Variants in CDK19 observed in about 807,000 individuals in gnomAD.
The protein encoded by CDK19 is cyclin dependent kinase 19, also known as cyclin-dependent kinase 19.
A neutral mutation model predicts 68.3 loss-of-function variants in CDK19; 20 were observed. The observed-to-expected ratio is 0.29, with a 90% CI of 0.21 to 0.43. The LOEUF (loss-of-function observed/expected upper bound fraction) is 0.43, where lower values mean the gene tolerates loss of function less well. Ranked by LOEUF, CDK19 falls within the 20% of genes least tolerant of loss-of-function variation. The pLI is 1.00. For missense variants in CDK19, 339 were observed against 623.5 expected, an observed-to-expected ratio of 0.54 and a Z score of 4.86; for synonymous variants, 221 against 222.8, an observed-to-expected ratio of 0.99 and a Z score of 0.07.
intron 6 of CDK19, among the ~76,000 whole-genome samples, chr6:110,630,376 T>C (rs1304190549): frequency 6.6e-6 from 1 of 152,234 alleles, no homozygotes. Flanking sequence ...CCTTTTACTT[T>C]CAACTAACAC....
At position 110,622,916 on chromosome 6, in the gene CDK19, G is replaced by C; in HGVS notation, c.934-4C>G. ...CCATGGTCAGGAGTTTCTGAAGCTA[G>C]AGTGACACACAGGAAATGTACAGCA... is the stretch of plus-strand genomic sequence containing the variant. On this transcript the variant is annotated splice_region_variant and splice_polypyrimidine_tract_variant and intron_variant, in intron 9 of 12. Coordinates refer to ENST00000368911, the MANE Select transcript of CDK19 (RefSeq NM_015076.5). 6.3e-7 allele frequency: 1 copy of C among 1,578,074 alleles called. No individual in the cohort carries two copies. The highest frequency in any genetic ancestry group is 8.7e-7 in the Non-Finnish European group (1 of 1,147,006).
chr6:110,655,963 T>C (rs1338740081), intron 4 of CDK19, among the ~76,000 whole-genome samples: 1 of 152,166 alleles, frequency 6.6e-6, no homozygotes, highest in East Asian at 1.9e-4. Context: ...GTCCCAGTAA[T>C]ATAAAGTGCT....
intron 2 of CDK19, among the ~76,000 whole-genome samples, chr6:110,703,040 CA>C (rs1228904800): frequency 6.6e-6 from 1 of 152,074 alleles, no homozygotes; most frequent in Non-Finnish European, 1.5e-5. Flanking sequence ...CTGTATTTTT[CA>C]AATTATTTTT....
chr6:110,712,646 G>T (rs967113667), intron 2 of CDK19, among the ~76,000 whole-genome samples: 5 of 152,334 alleles, frequency 3.3e-5, no homozygotes, highest in Admixed American at 1.3e-4. Flanking sequence ...GGCAGAGGAT[G>T]CAGAGATGCT....
At chr6:110,701,325 G>A (rs775934854) in intron 2 of CDK19, among the ~76,000 whole-genome samples, 12 of 150,654 alleles carry the variant, frequency 8.0e-5, no homozygotes, top group Admixed American at 2.0e-4. Context: ...GGCAGATCAC[G>A]AGGTCAGGAG....
intron 4 of CDK19, among the ~76,000 whole-genome samples, chr6:110,665,131 C>G (rs188199527): frequency 1.6e-4 from 25 of 152,256 alleles, no homozygotes; most frequent in South Asian, 8.3e-4. Context: ...AGTTCTTGAG[C>G]AGGAGCTGAG....
chr6:110,645,531 A>G (rs1032969081), intron 4 of CDK19, among the ~76,000 whole-genome samples: 1 of 152,180 alleles, frequency 6.6e-6, no homozygotes, highest in African/African-American at 2.4e-5. Context: ...AACAGAATAA[A>G]CCAAAAGAAA....
chr6:110,628,902 T>C (rs1407687245), intron 6 of CDK19, among the ~76,000 whole-genome samples: 1 of 152,220 alleles, frequency 6.6e-6, no homozygotes, highest in East Asian at 1.9e-4. Context: ...AAAAATGTAA[T>C]CCTCCTTAAT....
At chr6:110,740,068 G>A (rs1003547454) in intron 2 of CDK19, among the ~76,000 whole-genome samples, 1 of 151,606 alleles carries the variant, frequency 6.6e-6, no homozygotes, top group Admixed American at 6.6e-5. Flanking sequence ...CTGCTCTTGT[G>A]GGGGGAAAAA....
intron 1 of CDK19, among the ~76,000 whole-genome samples, chr6:110,748,119 C>T (rs1673283921): frequency 6.6e-6 from 1 of 152,162 alleles, no homozygotes; most frequent in African/African-American, 2.4e-5. Flanking sequence ...ACATTTCAAT[C>T]CTCAGTTCCC....
chr6:110,666,614 T>C (rs2114410825), intron 4 of CDK19, among the ~76,000 whole-genome samples: 1 of 152,062 alleles, frequency 6.6e-6, no homozygotes, highest in East Asian at 1.9e-4. Flanking sequence ...CTTTCGTCAA[T>C]AAACACTGCT....
chr6:110,707,432 T>TAC (rs1321801751), intron 2 of CDK19, among the ~76,000 whole-genome samples: 2 of 151,996 alleles, frequency 1.3e-5, no homozygotes, highest in African/African-American at 4.8e-5. Context: ...CATCTTTGGA[T>TAC]ACCTGGATAC....
intron 2 of CDK19, among the ~76,000 whole-genome samples, chr6:110,699,709 C>T (rs946572940): frequency 2.6e-5 from 4 of 152,040 alleles, no homozygotes; most frequent in Non-Finnish European, 5.9e-5. Flanking sequence ...ACTTGTACCC[C>T]ACAAGCTATT....
chr6:110,775,849 C>T (rs1001712088), intron 1 of CDK19, among the ~76,000 whole-genome samples: 3 of 152,110 alleles, frequency 2.0e-5, no homozygotes, highest in South Asian at 2.1e-4. Context: ...TCTGATGACA[C>T]GTCAAGGAAA....
chr6:110,810,159 TG>T (rs1782976560), intron 1 of CDK19, among the ~76,000 whole-genome samples: 1 of 152,110 alleles, frequency 6.6e-6, no homozygotes, highest in Non-Finnish European at 1.5e-5. Flanking sequence ...AAAGAAATGG[TG>T]GCAGGTATAA....
intron 1 of CDK19, among the ~76,000 whole-genome samples, chr6:110,787,150 A>C: frequency 6.6e-6 from 1 of 152,140 alleles, no homozygotes; most frequent in East Asian, 1.9e-4. Context: ...AGACGGGCGG[A>C]TCACTTGAAG....
At chr6:110,778,096 C>T (rs1360575380) in intron 1 of CDK19, among the ~76,000 whole-genome samples, 4 of 152,046 alleles carry the variant, frequency 2.6e-5, no homozygotes, top group African/African-American at 9.7e-5. Flanking sequence ...TACTCAATCC[C>T]ACTGAACTGT....
intron 2 of CDK19, among the ~76,000 whole-genome samples, chr6:110,700,035 GCT>G (rs1773861542): frequency 6.6e-6 from 1 of 152,168 alleles, no homozygotes; most frequent in South Asian, 2.1e-4. Context: ...TACCACCTGA[GCT>G]CTATCTCCTG....
intron 2 of CDK19, among the ~76,000 whole-genome samples, chr6:110,683,159 G>C (rs1198264367): frequency 8.4e-6 from 1 of 119,506 alleles, no homozygotes; most frequent in South Asian, 2.7e-4. Flanking sequence ...CTGGGCAACA[G>C]AGCAAGACTG....
Sources: gnomAD v4.1 joint callset for allele counts (sites outside exome capture counted in the v4.1 genomes callset) on GRCh38, gnomAD v4.1.1 for gene constraint, MANE v1.5 for transcripts, NCBI Gene and HGNC (gene_info 2026-07-23, HGNC 2026-07-21) for gene names.